Variants in TRDMT1 observed in about 807,000 individuals in gnomAD.
TRDMT1 encodes tRNA (cytosine(38)-C(5))-methyltransferase.
Under a neutral mutation model 51.2 loss-of-function variants are expected in TRDMT1, and 49 were observed. The observed-to-expected ratio is 0.96, with a 90% CI of 0.76 to 1.21. The LOEUF is 1.21. Ranked by LOEUF, TRDMT1 falls within the 50% of genes most tolerant of loss-of-function variation. TRDMT1 has a pLI of 0.00. For missense variants in TRDMT1, 534 were observed against 462.3 expected, an observed-to-expected ratio of 1.16 and a Z score of -1.42; for synonymous variants, 187 against 164.6, an observed-to-expected ratio of 1.14 and a Z score of -1.04.
intron 10 of TRDMT1, 97 bp from the exon 11 acceptor site, chr10:17,149,237 A>G (rs1588694735): frequency 4.4e-6 from 4 of 909,044 alleles, no homozygotes; most frequent in South Asian, 3.1e-5. Context: ...CGGTCATTTC[A>G]TAAGTAAATC....
chr10:17,160,412 A>C, intron 5 of TRDMT1, 38 bp from the exon 6 acceptor site: 1 of 1,328,386 alleles, frequency 7.5e-7, no homozygotes, highest in Non-Finnish European at 1.0e-6. Context: ...TCTTACTTGG[A>C]AAGGCAGTTC....
chr10:17,169,345 T>C (rs1249490236), intron 2 of TRDMT1: 3 of 1,209,756 alleles, frequency 2.5e-6, no homozygotes, highest in South Asian at 1.5e-5. Context: ...AAATGTGATA[T>C]GCAGACCAGT....
rs1202781062 is a variant in TRDMT1, at chr10:17,153,625, G to C, written c.957C>G (p.Ile319Met). 1 of 1,587,762 alleles carries C rather than the reference G, an allele frequency of 6.3e-7. No individual in the cohort carries two copies. Among genetic ancestry groups the C allele is most frequent in the Non-Finnish European group, 8.6e-7 (1 of 1,167,632 alleles). The stretch of plus-strand genomic sequence containing the variant: ...GTGACAAATTGGTAAGGGATTTGTA[G>C]ATATTCTCAACCTGTAAGAAAATAC... ...QTAEDVQVEN[I>M]YKSLTNLSQE... is the part of the protein sequence containing the mutation. Residue 319 changes from isoleucine (I) to methionine (M), a missense_variant, in exon 10 of 11, where the codon ATC becomes ATG. Ile to Met is a conservative substitution (Grantham distance 10). Transcript: ENST00000377799.
intron 5 of TRDMT1, 60 bp from the exon 6 acceptor site, chr10:17,160,434 A>C: frequency 8.5e-7 from 1 of 1,175,364 alleles, no homozygotes; most frequent in Non-Finnish European, 1.2e-6. Context: ...TATTTAAATA[A>C]TGTACACAAA....
intron 8 of TRDMT1, among the ~76,000 whole-genome samples, 193 bp from the exon 9 acceptor site, chr10:17,154,927 T>C (rs903983537): frequency 6.6e-6 from 1 of 152,126 alleles, no homozygotes; most frequent in Non-Finnish European, 1.5e-5. Flanking sequence ...CATTTAAACG[T>C]CTCATCAATG....
At chr10:17,174,151 G>C (rs1004417125) in intron 2 of TRDMT1, among the ~76,000 whole-genome samples, 1 of 152,200 alleles carries the variant, frequency 6.6e-6, no homozygotes, top group South Asian at 2.1e-4. Flanking sequence ...GGTTAACCTT[G>C]ACAGGTTTGC....
chr10:17,184,442 GTATAA>G (rs1436029071), intron 1 of TRDMT1, among the ~76,000 whole-genome samples: 1 of 150,832 alleles, frequency 6.6e-6, no homozygotes, highest in Non-Finnish European at 1.5e-5. Flanking sequence ...ATAACATATA[GTATAA>G]TATATATAAT....
chr10:17,194,880 C>T (rs977799064), intron 1 of TRDMT1, among the ~76,000 whole-genome samples: 1 of 136,718 alleles, frequency 7.3e-6, no homozygotes, highest in African/African-American at 2.7e-5. Flanking sequence ...TTGCAGTGAG[C>T]CAAGATTGCA....
At position 17,161,520 on chromosome 10, in the gene TRDMT1, A is replaced by C. The variant is rs924337878; in HGVS notation, c.352T>G (p.Leu118Val). The change falls in exon 5 of 11, where the codon TTG becomes GTG. Residue 118 changes from leucine to valine, a missense_variant. Physicochemically the swap from Leu to Val is conservative, Grantham distance 32. Coordinates refer to ENST00000377799, the MANE Select transcript of TRDMT1 (RefSeq NM_004412.7). The part of the protein sequence containing the change: ...RLQKLPKYIL[L>V]ENVKGFEVSS... The stretch of plus-strand genomic sequence containing the variant: ...ACTTCAAAACCTTTAACATTTTCCA[A>C]AAGAATATACTTTGGTAATTTTTGT... The C allele has an allele frequency of 6.7e-6, 9 of 1,341,704 alleles. No homozygotes were observed. In the East Asian group the frequency reaches 1.5e-4, roughly 23 times the overall value. 83.1% of individuals were successfully genotyped at this position (1,341,704 alleles called of 1,614,324 possible).
chr10:17,174,588 T>C lies in TRDMT1; in HGVS notation c.137A>G (p.Asn46Ser), dbSNP rs1465254055. Residue 46 changes from asparagine (N) to serine (S), a missense_variant, in exon 2 of 11, where the codon AAT (asparagine) becomes AGT (serine). Physicochemically the swap from Asn to Ser is conservative, Grantham distance 46. Coordinates refer to ENST00000377799, the MANE Select transcript of TRDMT1 (RefSeq NM_004412.7). ...NTVANEVYKY[N>S]FPHTQLLAKT... ...GGCAAGTAACTGTGTGTGAGGAAAA[T>C]TATACTTGTATACTTCATTAGCGAC... is the stretch of plus-strand genomic sequence containing the variant. The C allele has an allele frequency of 6.2e-7, 1 of 1,613,930 alleles. No homozygotes were observed. Among genetic ancestry groups the C allele is most frequent in the South Asian group, 1.1e-5 (1 of 91,052 alleles).
In TRDMT1 at chr10:17,140,905, C is replaced by G. The variant is rs1837624864; in HGVS notation, c.*8135G>C. Among the ~76,000 whole-genome samples the G allele has an allele frequency of 6.6e-6, 1 of 152,152 alleles. No individual in the cohort carries two copies. Among genetic ancestry groups the G allele is most frequent in the Non-Finnish European group, 1.5e-5 (1 of 68,032 alleles). ...CTTCCTTTCATCTTTGATTATTTCA[C>G]ATATCAGATAAGCCTAATTCCATGT... is the stretch of plus-strand genomic sequence containing the variant. On this transcript the variant is annotated 3_prime_UTR_variant, in exon 11 of 11. Coordinates refer to ENST00000377799, the MANE Select transcript of TRDMT1 (RefSeq NM_004412.7).
intron 2 of TRDMT1, among the ~76,000 whole-genome samples, chr10:17,173,656 C>T (rs567364702): frequency 6.6e-6 from 1 of 151,934 alleles, no homozygotes; most frequent in African/African-American, 2.4e-5. Context: ...CTCAAACTGC[C>T]CACTTAAAAT....
intron 10 of TRDMT1, among the ~76,000 whole-genome samples, chr10:17,149,354 G>A (rs1345618027): frequency 6.6e-6 from 1 of 152,070 alleles, no homozygotes; most frequent in Non-Finnish European, 1.5e-5. Context: ...CACATTATGT[G>A]TTATGCTCAG....
At chr10:17,170,863 C>A (rs2131496195) in intron 2 of TRDMT1, among the ~76,000 whole-genome samples, 1 of 151,994 alleles carries the variant, frequency 6.6e-6, no homozygotes, top group East Asian at 1.9e-4. Context: ...TTTTTGTAGC[C>A]AGCGTCCTTA....
rs191203338 is a variant in TRDMT1, at chr10:17,190,146, G to A, written c.64+11425C>T. ...ATTCCAACATACACTTTACCTAGTC[G>A]CTAAAAATGAGATATAATTTTACGC... is the stretch of plus-strand genomic sequence containing the variant. On this transcript the variant is annotated intron_variant, in intron 1 of 10. Coordinates refer to ENST00000377799, the MANE Select transcript of TRDMT1 (RefSeq NM_004412.7). Among the ~76,000 whole-genome samples the A allele has an allele frequency of 2.7e-4, 41 of 152,176 alleles. No individual in the cohort carries two copies. The South Asian group carries it at 5.2e-3, about 19-fold the overall frequency.
intron 1 of TRDMT1, among the ~76,000 whole-genome samples, chr10:17,179,289 G>A (rs1842985915): frequency 6.6e-6 from 1 of 152,098 alleles, no homozygotes; most frequent in Non-Finnish European, 1.5e-5. Flanking sequence ...TTCCTTGGCA[G>A]AAGAGAAGAG....
intron 1 of TRDMT1, among the ~76,000 whole-genome samples, chr10:17,190,450 CACTTAA>C (rs1163505927): frequency 1.1e-4 from 16 of 145,032 alleles, no homozygotes; most frequent in African/African-American, 4.0e-4. Context: ...AAAAAAAAAC[CACTTAA>C]ACTTAATTAT....
chr10:17,182,997 CT>C (rs137976491), intron 1 of TRDMT1, among the ~76,000 whole-genome samples: 2,606 of 152,220 alleles, frequency 0.017, 31 homozygotes, highest in Non-Finnish European at 0.028. Flanking sequence ...AGAAAATGTG[CT>C]GTCCTTCATG....
chr10:17,181,626 T>C (rs2356829), intron 1 of TRDMT1, among the ~76,000 whole-genome samples: 67,319 of 152,010 alleles, frequency 0.44, 16,161 homozygotes, highest in South Asian at 0.57. Flanking sequence ...TCTGAACTTA[T>C]ATGATTATCT....
Sources: allele counts gnomAD v4.1 joint callset (sites outside exome capture counted in the v4.1 genomes callset), GRCh38; gene constraint gnomAD v4.1.1; transcripts MANE v1.5; gene names NCBI Gene and HGNC (gene_info 2026-07-23, HGNC 2026-07-21).